PHACTR1: variants seen among roughly 807,000 people sequenced by gnomAD.
PHACTR1 encodes phosphatase and actin regulator 1, also known as RPEL repeat containing 1.
PHACTR1 carries 16 observed loss-of-function variants against 69.2 expected under a neutral mutation model. That is an observed-to-expected ratio of 0.23 (90% CI 0.16 to 0.35). PHACTR1 has a LOEUF of 0.35. Ranked by LOEUF, PHACTR1 falls within the 10% of genes least tolerant of loss-of-function variation. The pLI, the probability that PHACTR1 is intolerant of heterozygous loss-of-function variation, is 1.00. For missense variants in PHACTR1, 510 were observed against 734.7 expected (o/e 0.69, Z 3.54); for synonymous variants, 312 against 284.5 (o/e 1.10, Z -0.97).
At chr6:13,157,553 A>G (rs1476708448) in intron 5 of PHACTR1, among the ~76,000 whole-genome samples, 1 of 152,208 alleles carries the variant, frequency 6.6e-6, no homozygotes, top group Non-Finnish European at 1.5e-5. Flanking sequence ...GCCTGAGAAC[A>G]TCCACATTTC....
At chr6:13,113,351 CA>C (rs1419280898) in intron 5 of PHACTR1, among the ~76,000 whole-genome samples, 1 of 152,012 alleles carries the variant, frequency 6.6e-6, no homozygotes, top group Non-Finnish European at 1.5e-5. Flanking sequence ...GAGAATACAT[CA>C]AAGATTTTAA....
rs536794792 is a variant in PHACTR1, at chr6:13,085,613, A to C, written c.415+32084A>C. Among the ~76,000 whole-genome samples the C allele has an allele frequency of 1.8e-4, 27 of 152,240 alleles. No homozygotes were observed. The Middle Eastern group carries it at 0.02, about 115-fold the overall frequency. On this transcript the variant is annotated intron_variant, in intron 5 of 14. Coordinates refer to ENST00000332995, the MANE Select transcript of PHACTR1 (RefSeq NM_030948.6). Reference sequence around the variant, plus strand: ...TATACAGCATAAGTTGGCAGAATACAAGGATAAATGAACAAATCTATCAAC... The same window carrying C: ...TATACAGCATAAGTTGGCAGAATACCAGGATAAATGAACAAATCTATCAAC...
At chr6:12,851,419 C>A (rs1222661499) in intron 4 of PHACTR1, among the ~76,000 whole-genome samples, 5 of 152,138 alleles carry the variant, frequency 3.3e-5, no homozygotes, top group Admixed American at 6.5e-5. Flanking sequence ...ACAAAGGAAT[C>A]CAACAATACT....
intron 5 of PHACTR1, among the ~76,000 whole-genome samples, chr6:13,063,592 A>G (rs9463408): frequency 0.25 from 38,140 of 151,300 alleles, 5,246 homozygotes; most frequent in African/African-American, 0.35. Context: ...TTGGCAACAC[A>G]GAAAGAGCCC....
chr6:13,183,818 T>TA lies in PHACTR1; in HGVS notation c.664+1137dup, dbSNP rs760165423. Among the ~76,000 whole-genome samples, 182 of 152,276 alleles carry TA rather than the reference T, an allele frequency of 1.2e-3. 2 individuals are homozygous for TA. Among genetic ancestry groups the TA allele is most frequent in the Non-Finnish European group, 1.1e-3 (73 of 68,028 alleles). Reference sequence around the variant, plus strand: ...AGTCAGATAGATTTGACTGTTATAGTAAAAATCTGTCATTCCAGCAGAATC... The same window carrying TA: ...AGTCAGATAGATTTGACTGTTATAGTAAAAAATCTGTCATTCCAGCAGAATC... On this transcript the variant is annotated intron_variant, in intron 7 of 14. Coordinates refer to ENST00000332995, the MANE Select transcript of PHACTR1 (RefSeq NM_030948.6).
At chr6:12,946,388 C>T (rs1451291038) in intron 4 of PHACTR1, among the ~76,000 whole-genome samples, 1 of 151,952 alleles carries the variant, frequency 6.6e-6, no homozygotes, top group Non-Finnish European at 1.5e-5. Context: ...TTTTAGGAAG[C>T]CAATTCTGGT....
chr6:13,180,984 C>A (rs1343798236), intron 6 of PHACTR1, among the ~76,000 whole-genome samples: 1 of 150,962 alleles, frequency 6.6e-6, no homozygotes, highest in African/African-American at 2.4e-5. Flanking sequence ...TATAAAAAAG[C>A]GGAATTAAAA....
intron 4 of PHACTR1, among the ~76,000 whole-genome samples, chr6:12,786,631 G>T (rs1029494257): frequency 1.3e-5 from 2 of 152,204 alleles, no homozygotes; most frequent in African/African-American, 4.8e-5. Flanking sequence ...AGAAGCTAGA[G>T]ACCTGGAAAT....
intron 6 of PHACTR1, 35 bp downstream of exon 6, chr6:13,160,319 G>A (rs759929938): frequency 5.1e-6 from 8 of 1,567,924 alleles, no homozygotes; most frequent in Non-Finnish European, 7.0e-6. Flanking sequence ...CCGGGTCAAA[G>A]AGTCATGCGT....
At chr6:12,847,080 G>T (rs573815783) in intron 4 of PHACTR1, among the ~76,000 whole-genome samples, 1 of 152,176 alleles carries the variant, frequency 6.6e-6, no homozygotes, top group African/African-American at 2.4e-5. Context: ...GCCTCCCAAA[G>T]GGCTGGGATT....
chr6:13,135,152 T>G (rs1489266161), intron 5 of PHACTR1, among the ~76,000 whole-genome samples: 1 of 152,210 alleles, frequency 6.6e-6, no homozygotes, highest in Non-Finnish European at 1.5e-5. Context: ...CTAAACCGTT[T>G]TCCTGAGGGC....
intron 4 of PHACTR1, among the ~76,000 whole-genome samples, chr6:13,018,468 G>A (rs1018578538): frequency 3.3e-5 from 5 of 152,168 alleles, no homozygotes; most frequent in East Asian, 1.9e-4. Context: ...TTAGCATGGC[G>A]CCTTGCAAGA....
At chr6:12,798,507 A>G (rs1773343794) in intron 4 of PHACTR1, among the ~76,000 whole-genome samples, 1 of 152,220 alleles carries the variant, frequency 6.6e-6, no homozygotes, top group South Asian at 2.1e-4. Context: ...AGACAGCACT[A>G]CTTAAGTCTT....
intron 4 of PHACTR1, among the ~76,000 whole-genome samples, chr6:12,821,689 T>C (rs1776243596): frequency 6.6e-6 from 1 of 152,212 alleles, no homozygotes; most frequent in Admixed American, 6.5e-5. Context: ...TTTAAAACGA[T>C]AATATATGTT....
intron 4 of PHACTR1, among the ~76,000 whole-genome samples, chr6:12,983,555 TTA>T (rs1191551554): frequency 1.3e-5 from 2 of 151,394 alleles, no homozygotes; most frequent in Non-Finnish European, 2.9e-5. Context: ...TTATTTATTT[TTA>T]TTGTTGTACT....
rs1487856086 is a variant in PHACTR1, at chr6:12,997,230, TAATA to T, written c.251-56130_251-56127del. On this transcript the variant is annotated intron_variant, in intron 4 of 14. Transcript: ENST00000332995. Reference sequence around the variant, plus strand: ...ATACATGTATATATGATTTATTACATAATAAATATATATTTATATATAAGTAAAT... The same window carrying T: ...ATACATGTATATATGATTTATTACATAATATATATTTATATATAAGTAAAT... Among the ~76,000 whole-genome samples, 8 of 148,060 alleles carry T rather than the reference TAATA, an allele frequency of 5.4e-5. No individual in the cohort carries two copies. In the South Asian group the frequency reaches 8.4e-4, roughly 16 times the overall value.
chr6:12,960,181 A>G (rs369435200), intron 4 of PHACTR1, among the ~76,000 whole-genome samples: 6 of 152,220 alleles, frequency 3.9e-5, no homozygotes, highest in African/African-American at 1.2e-4. Context: ...GGAGAGTAAC[A>G]TTGCTTTACC....
intron 5 of PHACTR1, among the ~76,000 whole-genome samples, chr6:13,098,576 G>A (rs776416459): frequency 2.0e-5 from 3 of 152,124 alleles, no homozygotes; most frequent in Non-Finnish European, 4.4e-5. Context: ...TGAGGACCTC[G>A]GATTCAAGAT....
At chr6:13,064,559 T>A (rs1185279212) in intron 5 of PHACTR1, among the ~76,000 whole-genome samples, 1 of 1,390 alleles carries the variant, frequency 7.2e-4, no homozygotes, top group African/African-American at 2.6e-3. Context: ...TATATATATA[T>A]ATATATATAT....
Sources: gnomAD v4.1 joint callset for allele counts (sites outside exome capture counted in the v4.1 genomes callset) on GRCh38, gnomAD v4.1.1 for gene constraint, MANE v1.5 for transcripts, NCBI Gene and HGNC (gene_info 2026-07-23, HGNC 2026-07-21) for gene names.